PRIM2: variants seen among roughly 807,000 people sequenced by gnomAD.
The protein encoded by PRIM2 is DNA primase large subunit.
A neutral mutation model predicts 67.3 loss-of-function variants in PRIM2; 39 were observed. The observed-to-expected ratio is 0.58, with a 90% CI of 0.45 to 0.76. The LOEUF (loss-of-function observed/expected upper bound fraction) is 0.76, where lower values mean the gene tolerates loss of function less well. Among genes scored for constraint, PRIM2 ranks in the 30% least tolerant of loss-of-function variants. The probability of loss-of-function intolerance (pLI) is 0.00; values close to 1 mark genes in which losing one functional copy is unlikely to be tolerated. For missense variants in PRIM2, 398 were observed against 598.7 expected, an observed-to-expected ratio of 0.66 and a Z score of 3.50; for synonymous variants, 143 against 198.7, an observed-to-expected ratio of 0.72 and a Z score of 2.36.
At chr6:57,296,229 A>G in the PRIM2 span, among the ~76,000 whole-genome samples, 1 of 152,232 alleles carries the variant, frequency 6.6e-6, no homozygotes, top group African/African-American at 2.4e-5. Flanking sequence ...AGAAATGCAC[A>G]TGACTAAAAC....
chr6:57,501,676 A>C (rs1184122711), intron 7 of PRIM2, among the ~76,000 whole-genome samples: 2 of 152,192 alleles, frequency 1.3e-5, no homozygotes, highest in African/African-American at 4.8e-5. Context: ...CTCTCTTTCA[A>C]AATAACTAAC....
In PRIM2 at chr6:57,340,976, T is replaced by C. The variant is rs574269211; in HGVS notation, c.459+14931T>C. Reference sequence around the variant, plus strand: ...AATTACTCTAGTTGCTTCTAGTCTGTTTGCCATATTTTATTTATTTATAAA... The same window carrying C: ...AATTACTCTAGTTGCTTCTAGTCTGCTTGCCATATTTTATTTATTTATAAA... On this transcript the variant is annotated intron_variant, in intron 5 of 13. Coordinates refer to ENST00000615550, the MANE Select transcript of PRIM2 (RefSeq NM_000947.5). Among the ~76,000 whole-genome samples, 78 of 152,344 alleles carry C rather than the reference T, an allele frequency of 5.1e-4. 1 individual carries two copies. The South Asian group carries it at 0.015, about 29-fold the overall frequency.
chr6:57,337,153 G>C (rs1384963803), intron 5 of PRIM2, among the ~76,000 whole-genome samples: 2 of 152,150 alleles, frequency 1.3e-5, no homozygotes, highest in South Asian at 2.1e-4. Flanking sequence ...TCAATAAGAA[G>C]AGCTAACTAT....
At chr6:57,481,699 TA>T (rs1218806847) in intron 7 of PRIM2, among the ~76,000 whole-genome samples, 2 of 152,196 alleles carry the variant, frequency 1.3e-5, no homozygotes, top group African/African-American at 4.8e-5. Context: ...GTGACTATAC[TA>T]TTTCACATTC....
At chr6:57,554,823 A>C (rs1234602593) in intron 10 of PRIM2, among the ~76,000 whole-genome samples, 7 of 152,210 alleles carry the variant, frequency 4.6e-5, no homozygotes, top group African/African-American at 1.4e-4. Flanking sequence ...GTAAAGACAG[A>C]CTTTTCATTT....
intron 10 of PRIM2, among the ~76,000 whole-genome samples, chr6:57,548,767 T>G (rs1465458172): frequency 6.6e-6 from 1 of 152,160 alleles, no homozygotes. Context: ...TGTTTAAAAG[T>G]AGAAAGAAGA....
intron 4 of PRIM2, among the ~76,000 whole-genome samples, chr6:57,325,400 A>G (rs1767814337): frequency 6.6e-6 from 1 of 150,738 alleles, no homozygotes; most frequent in Non-Finnish European, 1.5e-5. Context: ...CCGTGGGCTC[A>G]GGTGATCCTC....
intron 5 of PRIM2, among the ~76,000 whole-genome samples, chr6:57,329,860 T>C (rs549164046): frequency 6.6e-6 from 1 of 152,378 alleles, no homozygotes; most frequent in South Asian, 2.1e-4. Context: ...TTGATCTGTC[T>C]GCTTATCCTT....
chr6:57,607,217 C>G (rs1351724983), intron 12 of PRIM2, among the ~76,000 whole-genome samples: 1 of 152,130 alleles, frequency 6.6e-6, no homozygotes, highest in Non-Finnish European at 1.5e-5. Flanking sequence ...AAAATTGTTA[C>G]TCTAGACAAC....
chr6:57,240,012 A>C, the PRIM2 span, among the ~76,000 whole-genome samples: 1 of 152,210 alleles, frequency 6.6e-6, no homozygotes, highest in African/African-American at 2.4e-5. Context: ...GATATTAAGA[A>C]CATAATTATA....
chr6:57,487,727 G>A (rs1773787984), intron 7 of PRIM2, among the ~76,000 whole-genome samples: 1 of 152,162 alleles, frequency 6.6e-6, no homozygotes, highest in Non-Finnish European at 1.5e-5. Flanking sequence ...TTCTGTAAAT[G>A]TACTCTTAAA....
rs1686785641 is a variant in PRIM2 at position 57,628,612 on chromosome 6, T to G, written c.1231-3521T>G. Among the ~76,000 whole-genome samples the G allele has an allele frequency of 3.9e-5, 6 of 152,332 alleles. No individual in the cohort carries two copies. In the South Asian group the frequency reaches 1.2e-3, roughly 32 times the overall value. ...TTGCCCAAGTAGTGAACATAGTACC[T>G]GATAGGTAGCTTTTCAACTCTTGTC... On this transcript the variant is annotated intron_variant, in intron 12 of 13. Transcript: ENST00000615550.
upstream of PRIM2, among the ~76,000 whole-genome samples, chr6:57,313,136 A>C (rs1259917882): frequency 6.6e-6 from 1 of 152,188 alleles, no homozygotes; most frequent in African/African-American, 2.4e-5. Context: ...TCTCCTAAAG[A>C]TAGACATGAC....
At chr6:57,545,372 G>A (rs1181327535) in intron 10 of PRIM2, among the ~76,000 whole-genome samples, 4 of 151,524 alleles carry the variant, frequency 2.6e-5, no homozygotes, top group South Asian at 2.1e-4. Context: ...CCATTCTGAA[G>A]ATACTGAAAT....
chr6:57,240,769 A>T, the PRIM2 span, among the ~76,000 whole-genome samples: 2 of 152,194 alleles, frequency 1.3e-5, no homozygotes, highest in Admixed American at 1.3e-4. Context: ...CGGTAAATTA[A>T]TATAAGATAG....
At chr6:57,461,751 T>C (rs1773012036) in intron 7 of PRIM2, among the ~76,000 whole-genome samples, 4 of 152,358 alleles carry the variant, frequency 2.6e-5, no homozygotes, top group Admixed American at 6.5e-5. Context: ...CAGAATCGAA[T>C]TAGCTAGTTT....
At chr6:57,458,762 G>C (rs1402294151) in intron 7 of PRIM2, among the ~76,000 whole-genome samples, 2 of 152,138 alleles carry the variant, frequency 1.3e-5, no homozygotes, top group Admixed American at 6.5e-5. Context: ...CTTACAGTTA[G>C]CCCCCCTAGC....
chr6:57,366,550 A>T (rs1380919195), intron 5 of PRIM2, among the ~76,000 whole-genome samples: 1 of 152,156 alleles, frequency 6.6e-6, no homozygotes, highest in Non-Finnish European at 1.5e-5. Context: ...GGGTCAGAGG[A>T]TGCTGACGAC....
chr6:57,274,573 T>C, the PRIM2 span, among the ~76,000 whole-genome samples: 1 of 152,230 alleles, frequency 6.6e-6, no homozygotes, highest in Non-Finnish European at 1.5e-5. Context: ...CCTTTGCGCT[T>C]CCCGGGTGAT....
Sources: allele counts gnomAD v4.1 joint callset (sites outside exome capture counted in the v4.1 genomes callset), GRCh38; gene constraint gnomAD v4.1.1; transcripts MANE v1.5; gene names NCBI Gene and HGNC (gene_info 2026-07-23, HGNC 2026-07-21).